Variants in TIAM2 observed in about 807,000 individuals in gnomAD.
TIAM2 encodes the protein rho guanine nucleotide exchange factor TIAM2.
Under a neutral mutation model 152.9 loss-of-function variants are expected in TIAM2, and 80 were observed. The observed-to-expected ratio is 0.52, with a 90% CI of 0.44 to 0.63. The LOEUF (loss-of-function observed/expected upper bound fraction) is 0.63, where lower values mean the gene tolerates loss of function less well. Ranked by LOEUF, TIAM2 falls within the 30% of genes least tolerant of loss-of-function variation. The pLI is 0.00. For missense variants in TIAM2, 1,965 were observed against 2,120.1 expected, an observed-to-expected ratio of 0.93 and a Z score of 1.44; for synonymous variants, 804 against 838.0, an observed-to-expected ratio of 0.96 and a Z score of 0.70.
intron 1 of TIAM2, among the ~76,000 whole-genome samples, chr6:155,065,247 C>G (rs1777667591): frequency 6.6e-6 from 1 of 152,096 alleles, no homozygotes; most frequent in Non-Finnish European, 1.5e-5. Context: ...AGCCACCATA[C>G]CCGGCCATAT....
intron 2 of TIAM2, among the ~76,000 whole-genome samples, chr6:155,103,040 T>G (rs1012159411): frequency 6.6e-6 from 1 of 152,178 alleles, no homozygotes; most frequent in Non-Finnish European, 1.5e-5. Context: ...GGAATTTAAT[T>G]TTAGATGCCT....
At chr6:155,002,894 A>G (rs1170120459) in intron 1 of TIAM2, among the ~76,000 whole-genome samples, 2 of 151,580 alleles carry the variant, frequency 1.3e-5, no homozygotes, top group Non-Finnish European at 2.9e-5. Flanking sequence ...GGGTTTCACC[A>G]TGTTGACCAG....
intron 1 of TIAM2, among the ~76,000 whole-genome samples, chr6:155,088,228 G>A (rs996370225): frequency 1.3e-5 from 2 of 151,884 alleles, no homozygotes; most frequent in African/African-American, 4.8e-5. Flanking sequence ...CTAATGTTTT[G>A]TATTTTTAGT....
intron 7 of TIAM2, 73 bp downstream of exon 7, chr6:155,148,407 A>G (rs1019935122): frequency 1.9e-5 from 27 of 1,397,904 alleles, no homozygotes; most frequent in Middle Eastern, 2.5e-4. Context: ...GCATGCTGTC[A>G]TCTTGGTGGT....
At chr6:155,118,339 T>C (rs1583199511) in intron 2 of TIAM2, among the ~76,000 whole-genome samples, 1 of 152,212 alleles carries the variant, frequency 6.6e-6, no homozygotes, top group African/African-American at 2.4e-5. Flanking sequence ...CAAGTGGTTA[T>C]GGAGCACCGT....
chr6:155,187,573 CTTTTTTTTTTTT>C (rs59818801), intron 14 of TIAM2, among the ~76,000 whole-genome samples: 1 of 49,614 alleles, frequency 2.0e-5, no homozygotes, highest in Admixed American at 2.8e-4. Context: ...ACCCCGCCCC[CTTTTTTTTTTTT>C]TTTTTTTTTT....
intron 1 of TIAM2, among the ~76,000 whole-genome samples, chr6:155,061,855 C>G (rs1055939277): frequency 6.6e-6 from 1 of 152,138 alleles, no homozygotes; most frequent in Non-Finnish European, 1.5e-5. Context: ...GTTTAATTCA[C>G]TTTTTGTGGT....
At chr6:155,189,928 G>C (rs1425842478) in intron 14 of TIAM2, among the ~76,000 whole-genome samples, 1 of 152,124 alleles carries the variant, frequency 6.6e-6, no homozygotes, top group Admixed American at 6.6e-5. Context: ...TGTGGTGGGG[G>C]GATTTGGTGG....
At chr6:155,036,023 G>A (rs1776915570) in intron 1 of TIAM2, among the ~76,000 whole-genome samples, 1 of 152,118 alleles carries the variant, frequency 6.6e-6, no homozygotes, top group Admixed American at 6.6e-5. Context: ...GACAGATTAA[G>A]CAAAGAAAGA....
chr6:155,128,633 G>A (rs1281745880), intron 3 of TIAM2, among the ~76,000 whole-genome samples: 1 of 151,650 alleles, frequency 6.6e-6, no homozygotes, highest in Non-Finnish European at 1.5e-5. Flanking sequence ...GCCGAGGCAA[G>A]AGGATCTCTT....
intron 1 of TIAM2, among the ~76,000 whole-genome samples, chr6:155,042,303 C>T (rs901778726): frequency 6.6e-6 from 1 of 151,950 alleles, no homozygotes; most frequent in Non-Finnish European, 1.5e-5. Context: ...TTCCAAAGCC[C>T]ATCCCTTAAT....
chr6:155,198,715 G>A (rs1335564576), intron 14 of TIAM2, among the ~76,000 whole-genome samples: 2 of 147,824 alleles, frequency 1.4e-5, no homozygotes, highest in East Asian at 2.0e-4. Context: ...TTAAGGCAAC[G>A]TTCTTAAGAA....
At chr6:155,049,146 A>G (rs1277216199) in intron 1 of TIAM2, among the ~76,000 whole-genome samples, 1 of 152,018 alleles carries the variant, frequency 6.6e-6, no homozygotes, top group Non-Finnish European at 1.5e-5. Context: ...TTAAACACAA[A>G]ACCAGAGGCT....
chr6:155,082,671 A>G (rs1399180168), intron 1 of TIAM2, among the ~76,000 whole-genome samples: 4 of 144,544 alleles, frequency 2.8e-5, no homozygotes, highest in Non-Finnish European at 6.0e-5. Context: ...AACCCCAATA[A>G]ATAAATAAAT....
intron 1 of TIAM2, among the ~76,000 whole-genome samples, chr6:155,047,688 G>GAGAGAGAGAGGAGA (rs71023609): frequency 9.0e-5 from 4 of 44,684 alleles, no homozygotes; most frequent in African/African-American, 1.7e-4. Flanking sequence ...GAGAGAGAGA[G>GAGAGAGAGAGGAGA]GAGAGAGAGA....
chr6:155,015,109 CAG>C (rs1372076502), intron 1 of TIAM2, among the ~76,000 whole-genome samples: 1 of 151,938 alleles, frequency 6.6e-6, no homozygotes, highest in Admixed American at 6.6e-5. Flanking sequence ...GTGATCTGTG[CAG>C]AGAGTCCGCA....
chr6:155,231,016 AT>A (rs1429523409), intron 15 of TIAM2, among the ~76,000 whole-genome samples: 18 of 142,512 alleles, frequency 1.3e-4, no homozygotes, highest in Non-Finnish European at 2.3e-4. Context: ...TTTTTTTTGT[AT>A]TTTTAGTAGA....
intron 2 of TIAM2, among the ~76,000 whole-genome samples, chr6:155,120,247 C>G (rs1322799657): frequency 6.6e-6 from 1 of 152,232 alleles, no homozygotes; most frequent in Non-Finnish European, 1.5e-5. Context: ...ATCCATTCAT[C>G]TGTTAATATG....
chr6:155,049,044 G>T (rs183742260), intron 1 of TIAM2, among the ~76,000 whole-genome samples: 1 of 151,950 alleles, frequency 6.6e-6, no homozygotes, highest in Non-Finnish European at 1.5e-5. Flanking sequence ...CAAGTGATCC[G>T]CCCGTCTCGG....
Sources: allele counts gnomAD v4.1 joint callset (sites outside exome capture counted in the v4.1 genomes callset), GRCh38; gene constraint gnomAD v4.1.1; transcripts MANE v1.5; gene names NCBI Gene and HGNC (gene_info 2026-07-23, HGNC 2026-07-21).